Variants in ROBO1 observed in about 807,000 individuals in gnomAD.
ROBO1 encodes roundabout guidance receptor 1, also known as roundabout homolog 1.
In ROBO1, 149 loss-of-function variants were observed where a neutral mutation model predicts 195.9. That is an observed-to-expected ratio of 0.76 (90% confidence interval 0.67 to 0.87). ROBO1 has a LOEUF of 0.87. Among genes scored for constraint, ROBO1 ranks in the 40% least tolerant of loss-of-function variants. ROBO1 has a pLI of 0.00. For missense variants in ROBO1, 1,933 were observed against 2,068.3 expected (o/e 0.93, Z 1.27); for synonymous variants, 816 against 733.2 (o/e 1.11, Z -1.82).
In ROBO1 at chr3:78,746,894, C is replaced by A; in HGVS notation, c.506G>T (p.Arg169Leu). ...CGAAGGGTTTTGTCTGAAGTCATCC[C>A]GAAGTACTGTAGGAACAAGATTAAA... Reference protein sequence around the residue: ...HNASLEVAILRDDFRQNPSDV... With the variant: ...HNASLEVAILLDDFRQNPSDV... The change falls in exon 5 of 31, where the codon CGG becomes CTG. Residue 169 changes from arginine (R) to leucine (L), a missense_variant. Transcript: ENST00000464233. 1 of 1,559,914 alleles carries A rather than the reference C, an allele frequency of 6.4e-7. No homozygotes were observed. The highest frequency in any genetic ancestry group is 8.7e-7 in the Non-Finnish European group (1 of 1,146,028).
chr3:79,018,443 G>A (rs758521970), intron 3 of ROBO1: 1 of 1,613,894 alleles, frequency 6.2e-7, no homozygotes. Flanking sequence ...AGGTAAAAGT[G>A]AGCGGGCTCC....
chr3:78,883,485 A>C (rs966850834), intron 4 of ROBO1, among the ~76,000 whole-genome samples: 3 of 151,848 alleles, frequency 2.0e-5, no homozygotes, highest in African/African-American at 7.3e-5. Context: ...GGCCTCAGGC[A>C]ATCCTCCCAC....
At position 79,264,780 on chromosome 3, in the gene ROBO1, GT is replaced by G. The variant is rs573881147; in HGVS notation, c.89-139242del. On this transcript the variant is annotated intron_variant, in intron 2 of 30. Coordinates refer to ENST00000464233, the MANE Select transcript of ROBO1 (RefSeq NM_002941.4). ...GAATGACATTACTACTAGCTAATAG[GT>G]TGGACAGCAATAAGTAGGCACAAAC... 1.1e-4 allele frequency among the ~76,000 whole-genome samples: 16 copies of G among 151,996 alleles called. No individual in the cohort carries two copies. In the South Asian group the frequency reaches 2.9e-3, roughly 28 times the overall value.
At chr3:78,678,712 C>G (rs980926141) in intron 10 of ROBO1, among the ~76,000 whole-genome samples, 1 of 152,138 alleles carries the variant, frequency 6.6e-6, no homozygotes, top group Non-Finnish European at 1.5e-5. Flanking sequence ...GAGTCCAGGA[C>G]CAGATGGATT....
intron 3 of ROBO1, among the ~76,000 whole-genome samples, chr3:78,989,482 C>T (rs535252756): frequency 6.6e-6 from 1 of 152,034 alleles, no homozygotes; most frequent in Non-Finnish European, 1.5e-5. Flanking sequence ...GGCATGGTGG[C>T]GCAAGCCTGT....
intron 2 of ROBO1, among the ~76,000 whole-genome samples, chr3:79,169,747 T>C (rs1299194819): frequency 6.6e-6 from 1 of 152,124 alleles, no homozygotes; most frequent in Non-Finnish European, 1.5e-5. Context: ...TATAAGTGAC[T>C]GGTGAAAAAT....
At chr3:79,709,239 T>G (rs1303699296) in intron 1 of ROBO1, among the ~76,000 whole-genome samples, 1 of 152,162 alleles carries the variant, frequency 6.6e-6, no homozygotes, top group Non-Finnish European at 1.5e-5. Flanking sequence ...TTCCAAGATC[T>G]TAATTTGTTC....
At chr3:78,715,108 T>A (rs1028964152) in intron 7 of ROBO1, 1 of 152,176 alleles carries the variant, frequency 6.6e-6, no homozygotes, top group African/African-American at 2.4e-5. Context: ...TTACTCTACA[T>A]GATCTCCCTG....
intron 2 of ROBO1, among the ~76,000 whole-genome samples, chr3:79,520,172 AAG>A (rs573671859): frequency 2.7e-5 from 4 of 149,404 alleles, no homozygotes; most frequent in Admixed American, 6.6e-5. Flanking sequence ...AAAAAAAAAA[AAG>A]AGAGAGAGAG....
intron 2 of ROBO1, among the ~76,000 whole-genome samples, chr3:79,173,619 T>TG (rs2081207711): frequency 6.6e-6 from 1 of 151,988 alleles, no homozygotes; most frequent in African/African-American, 2.4e-5. Flanking sequence ...CTCCATGGGC[T>TG]CCGGCTCAGC....
chr3:79,649,757 A>G (rs1945945053), intron 1 of ROBO1, among the ~76,000 whole-genome samples: 1 of 152,042 alleles, frequency 6.6e-6, no homozygotes, highest in Non-Finnish European at 1.5e-5. Flanking sequence ...GGCGGGAATA[A>G]TCTACCCTTA....
chr3:79,134,163 T>G (rs1329525667), intron 2 of ROBO1, among the ~76,000 whole-genome samples: 8 of 143,926 alleles, frequency 5.6e-5, no homozygotes, highest in African/African-American at 2.1e-4. Context: ...ATATCCGGAA[T>G]CTACAATGAA....
chr3:79,025,182 C>A (rs951240878), intron 3 of ROBO1, among the ~76,000 whole-genome samples: 6 of 152,130 alleles, frequency 3.9e-5, no homozygotes, highest in African/African-American at 1.4e-4. Context: ...TTTACATGTG[C>A]TCTACGTGGA....
At chr3:78,948,032 T>C (rs2040552219) in intron 3 of ROBO1, among the ~76,000 whole-genome samples, 1 of 152,090 alleles carries the variant, frequency 6.6e-6, no homozygotes, top group Non-Finnish European at 1.5e-5. Context: ...CAATAATCAA[T>C]AGCTTACCAA....
chr3:79,467,820 C>A (rs972993825), intron 2 of ROBO1, among the ~76,000 whole-genome samples: 10 of 152,192 alleles, frequency 6.6e-5, no homozygotes, highest in African/African-American at 9.6e-5. Context: ...CCCTAGACTG[C>A]CGTGGGGCTA....
At chr3:79,366,742 A>G (rs2035992940) in intron 2 of ROBO1, among the ~76,000 whole-genome samples, 1 of 152,162 alleles carries the variant, frequency 6.6e-6, no homozygotes, top group Admixed American at 6.6e-5. Flanking sequence ...ATGTTTGCCG[A>G]GTTTTCAATC....
intron 1 of ROBO1, among the ~76,000 whole-genome samples, chr3:79,661,655 A>G (rs947258076): frequency 6.6e-6 from 1 of 150,718 alleles, no homozygotes; most frequent in Non-Finnish European, 1.5e-5. Context: ...TATATTTCAC[A>G]TTTGTACAGA....
At chr3:79,417,874 G>C (rs1048587360) in intron 2 of ROBO1, among the ~76,000 whole-genome samples, 31 of 152,064 alleles carry the variant, frequency 2.0e-4, no homozygotes, top group African/African-American at 7.0e-4. Context: ...AATATTTCCT[G>C]ATCTTCTACT....
chr3:79,376,693 C>T (rs1388275677), intron 2 of ROBO1, among the ~76,000 whole-genome samples: 3 of 152,272 alleles, frequency 2.0e-5, no homozygotes, highest in African/African-American at 7.2e-5. Context: ...CCATGTAGAA[C>T]TGTGAGTCAA....
Sources: gnomAD v4.1 joint callset for allele counts (sites outside exome capture counted in the v4.1 genomes callset) on GRCh38, gnomAD v4.1.1 for gene constraint, MANE v1.5 for transcripts, NCBI Gene and HGNC (gene_info 2026-07-23, HGNC 2026-07-21) for gene names.